The following MCC variants were observed in gnomAD, a reference collection of about 807,000 sequenced individuals.
MCC encodes MCC regulator of Wnt signaling pathway.
MCC carries 90 observed loss-of-function variants against 116.2 expected under a neutral mutation model. The observed-to-expected ratio is 0.77, with a 90% CI of 0.65 to 0.92. The LOEUF (loss-of-function observed/expected upper bound fraction) is 0.92. MCC is among the 40% of genes least tolerant of loss of function. The pLI is 0.00. For synonymous variants in MCC, 578 were observed against 510.5 expected (o/e 1.13, Z -1.78); for missense variants, 1,516 against 1,312.2 (o/e 1.16, Z -2.40).
At position 113,420,730 on chromosome 5, in the gene MCC, C is replaced by T. The variant is rs901092114; in HGVS notation, c.171-35518G>A. 2.3e-4 allele frequency among the ~76,000 whole-genome samples: 35 copies of T among 152,280 alleles called. 1 individual carries two copies. The highest frequency in any genetic ancestry group is 8.4e-4 in the African/African-American group (35 of 41,568). ...CCAAGGGTCTCTCAAATCGGGCCTG[C>T]CATTAAGCCTATTAACCCAGTTTTT... On this transcript the variant is annotated intron_variant, in intron 1 of 18. Transcript: ENST00000408903.
intron 3 of MCC, among the ~76,000 whole-genome samples, chr5:113,213,265 G>C (rs58069204): frequency 6.6e-6 from 1 of 152,140 alleles, no homozygotes. Flanking sequence ...CAGAGGCCTC[G>C]AGGAACTAAG....
At chr5:113,116,238 G>A (rs144696533) in intron 6 of MCC, among the ~76,000 whole-genome samples, 1 of 152,298 alleles carries the variant, frequency 6.6e-6, no homozygotes, top group Non-Finnish European at 1.5e-5. Flanking sequence ...CCAGGAGGAG[G>A]GGGAAGATGT....
At chr5:113,064,942 A>G in intron 13 of MCC, among the ~76,000 whole-genome samples, 1 of 152,166 alleles carries the variant, frequency 6.6e-6, no homozygotes, top group East Asian at 1.9e-4. Flanking sequence ...GACTGCTTGA[A>G]CTTAGGAGTT....
chr5:113,094,949 C>T (rs1367275146), intron 8 of MCC, among the ~76,000 whole-genome samples: 1 of 152,138 alleles, frequency 6.6e-6, no homozygotes, highest in Non-Finnish European at 1.5e-5. Flanking sequence ...GGTCAAAGAA[C>T]CAGGGTTCTG....
At chr5:113,051,471 C>G (rs1008815867) in intron 15 of MCC, among the ~76,000 whole-genome samples, 8 of 152,210 alleles carry the variant, frequency 5.3e-5, no homozygotes, top group African/African-American at 1.7e-4. Flanking sequence ...GTAATCCCAG[C>G]ACTTTGGGAG....
chr5:113,108,909 G>A (rs1357113658), intron 6 of MCC, among the ~76,000 whole-genome samples: 1 of 152,218 alleles, frequency 6.6e-6, no homozygotes, highest in Non-Finnish European at 1.5e-5. Context: ...AGGCCCATCA[G>A]TGACCAGTTG....
intron 10 of MCC, 28 bp from the exon 11 acceptor site, chr5:113,083,036 T>C: frequency 6.2e-7 from 1 of 1,600,750 alleles, no homozygotes; most frequent in Non-Finnish European, 8.5e-7. Flanking sequence ...AATTCCCCTT[T>C]GGAACATATC....
Position 113,308,570 on chromosome 5 carries a change from C to T in MCC, c.627+31949G>A, listed in dbSNP as rs376850296. Among the ~76,000 whole-genome samples, 13 of 152,274 alleles carry T rather than the reference C, an allele frequency of 8.5e-5. No individual in the cohort carries two copies. The East Asian group carries it at 1.2e-3, about 14-fold the overall frequency. ...AGGCATGGTGGCTCATGCCAATAATCCCACCACTTTGGGAGGCTAAGGCAG... is the reference window on the plus strand; with the variant it reads ...AGGCATGGTGGCTCATGCCAATAATTCCACCACTTTGGGAGGCTAAGGCAG... On this transcript the variant is annotated intron_variant, in intron 3 of 18. Transcript: ENST00000408903.
At chr5:113,329,559 CTT>C (rs1325953790) in intron 3 of MCC, among the ~76,000 whole-genome samples, 1 of 152,088 alleles carries the variant, frequency 6.6e-6, no homozygotes, top group Non-Finnish European at 1.5e-5. Flanking sequence ...CTATACATAA[CTT>C]TTATAAATCC....
At chr5:113,487,224 C>T (rs1297258155) in intron 1 of MCC, among the ~76,000 whole-genome samples, 1 of 148,978 alleles carries the variant, frequency 6.7e-6, no homozygotes, top group Non-Finnish European at 1.5e-5. Flanking sequence ...TAGGCAGGGA[C>T]AATCAGGAAG....
At chr5:113,121,059 G>A (rs1757706690) in intron 6 of MCC, among the ~76,000 whole-genome samples, 1 of 152,102 alleles carries the variant, frequency 6.6e-6, no homozygotes, top group Non-Finnish European at 1.5e-5. Flanking sequence ...AACTCTTATG[G>A]GGCATACACA....
chr5:113,139,231 AG>A (rs1561392919), intron 5 of MCC, among the ~76,000 whole-genome samples: 1 of 152,162 alleles, frequency 6.6e-6, no homozygotes, highest in Non-Finnish European at 1.5e-5. Flanking sequence ...CTGATTCCTC[AG>A]GCTTCTAAAC....
chr5:113,162,960 T>C (rs1327588992), intron 3 of MCC, among the ~76,000 whole-genome samples: 1 of 152,206 alleles, frequency 6.6e-6, no homozygotes, highest in Non-Finnish European at 1.5e-5. Flanking sequence ...CATTGGAGCC[T>C]AGATCACATT....
chr5:113,465,210 A>AAG (rs1381876744), intron 1 of MCC, among the ~76,000 whole-genome samples: 1 of 151,944 alleles, frequency 6.6e-6, no homozygotes, highest in East Asian at 1.9e-4. Context: ...AGAAAAAAAA[A>AAG]AAAGATCCAT....
chr5:113,450,867 A>G (rs1294753502), intron 1 of MCC, among the ~76,000 whole-genome samples: 1 of 152,178 alleles, frequency 6.6e-6, no homozygotes, highest in African/African-American at 2.4e-5. Context: ...CTATTCTGGA[A>G]GAGGACTCTT....
At chr5:113,309,062 A>G (rs1358590095) in intron 3 of MCC, among the ~76,000 whole-genome samples, 1 of 152,208 alleles carries the variant, frequency 6.6e-6, no homozygotes, top group Non-Finnish European at 1.5e-5. Context: ...CTCTTTATCA[A>G]AGATACTCAA....
chr5:113,217,236 T>C (rs1275804604), intron 3 of MCC, among the ~76,000 whole-genome samples: 1 of 152,174 alleles, frequency 6.6e-6, no homozygotes, highest in Non-Finnish European at 1.5e-5. Context: ...TAAAGATTCA[T>C]TGGTTAAAAA....
At chr5:113,453,310 G>C (rs139916285) in intron 1 of MCC, among the ~76,000 whole-genome samples, 2 of 151,762 alleles carry the variant, frequency 1.3e-5, no homozygotes, top group African/African-American at 2.4e-5. Context: ...ACACACACAC[G>C]GGCACACATA....
intron 1 of MCC, among the ~76,000 whole-genome samples, chr5:113,442,732 C>T (rs1225724270): frequency 6.6e-6 from 1 of 152,120 alleles, no homozygotes; most frequent in Non-Finnish European, 1.5e-5. Flanking sequence ...GCCAGTTTTC[C>T]CAGCACCATT....
Sources: allele counts gnomAD v4.1 joint callset (sites outside exome capture counted in the v4.1 genomes callset), GRCh38; gene constraint gnomAD v4.1.1; transcripts MANE v1.5; gene names NCBI Gene and HGNC (gene_info 2026-07-23, HGNC 2026-07-21).